ZFHX3: variants seen among roughly 807,000 people sequenced by gnomAD.
ZFHX3 encodes the protein zinc finger homeobox 3.
In ZFHX3, 42 loss-of-function variants were observed where a neutral mutation model predicts 279.1. The observed-to-expected ratio is 0.15, with a 90% confidence interval of 0.12 to 0.19. ZFHX3 has a LOEUF of 0.19. ZFHX3 is among the 10% of genes least tolerant of loss of function. ZFHX3 has a pLI of 1.00. For missense variants in ZFHX3, 4,981 were observed against 4,754.0 expected (o/e 1.05, Z -1.40); for synonymous variants, 2,293 against 1,957.8 (o/e 1.17, Z -4.52).
At chr16:73,301,118 G>A (rs1013263108) in intron 4 of ZFHX3, among the ~76,000 whole-genome samples, 2 of 152,318 alleles carry the variant, frequency 1.3e-5, no homozygotes, top group South Asian at 2.1e-4. Flanking sequence ...ATCTGGTTGT[G>A]TATCAGAGTC....
At chr16:73,546,953 G>A (rs1443919994) in intron 2 of ZFHX3, among the ~76,000 whole-genome samples, 1 of 151,682 alleles carries the variant, frequency 6.6e-6, no homozygotes, top group Non-Finnish European at 1.5e-5. Flanking sequence ...CCCTACCCCT[G>A]TCCCCATTGT....
chr16:73,838,778 G>C (rs1183727491), intron 1 of ZFHX3, among the ~76,000 whole-genome samples: 1 of 151,952 alleles, frequency 6.6e-6, no homozygotes, highest in African/African-American at 2.4e-5. Flanking sequence ...GTGTGTGTGT[G>C]TGTGTGTGTG....
chr16:73,618,080 C>G (rs1008256069), intron 2 of ZFHX3, among the ~76,000 whole-genome samples: 9 of 152,168 alleles, frequency 5.9e-5, no homozygotes, highest in Admixed American at 5.9e-4. Context: ...TCTTCTTGTG[C>G]CTGGCAAATG....
chr16:73,315,096 G>C (rs1342001975), intron 4 of ZFHX3, among the ~76,000 whole-genome samples: 1 of 151,794 alleles, frequency 6.6e-6, no homozygotes, highest in Non-Finnish European at 1.5e-5. Context: ...GATGTGGTGG[G>C]GTGCACCTAC....
chr16:73,433,097 A>C (rs2143518749), intron 3 of ZFHX3, among the ~76,000 whole-genome samples: 1 of 152,314 alleles, frequency 6.6e-6, no homozygotes, highest in South Asian at 2.1e-4. Context: ...GGGGGATGGA[A>C]GGGACAGGCA....
intron 2 of ZFHX3, among the ~76,000 whole-genome samples, chr16:73,473,349 A>AC (rs1447283064): frequency 1.4e-3 from 71 of 51,070 alleles, no homozygotes; most frequent in African/African-American, 4.0e-3. Flanking sequence ...CAAAAAAAAA[A>AC]AAAAAAAACA....
chr16:73,156,756 C>T (rs963822531), intron 5 of ZFHX3, among the ~76,000 whole-genome samples: 15 of 151,870 alleles, frequency 9.9e-5, no homozygotes, highest in African/African-American at 3.6e-4. Context: ...GCTCTGTCAC[C>T]AGGCTGGAGT....
rs907932471 is a variant in ZFHX3, at chr16:72,786,585, A to C, written c.*579T>G. On this transcript the variant is annotated 3_prime_UTR_variant, in exon 10 of 10. Transcript: ENST00000268489. ...CAAAACAAAAAATCTTTTCTGGAAC[A>C]AAAAAAAAAAAAAAAACTGAAAAAA... 1.6e-5 allele frequency: 2 copies of C among 124,232 alleles called. No homozygotes were observed. The highest frequency in any genetic ancestry group is 3.1e-5 in the African/African-American group (1 of 31,846). 7.7% of individuals were successfully genotyped at this position (124,232 alleles called of 1,614,324 possible). A position where few individuals can be genotyped will look rare whatever the true frequency, so the allele number is the denominator to read the frequency against.
intron 5 of ZFHX3, among the ~76,000 whole-genome samples, chr16:72,826,810 G>A (rs1033383404): frequency 7.9e-5 from 12 of 152,174 alleles, no homozygotes; most frequent in Non-Finnish European, 1.5e-4. Flanking sequence ...CCTGGTGCTT[G>A]AATGAATGCA....
chr16:73,119,890 G>C (rs1311525976), intron 7 of ZFHX3, among the ~76,000 whole-genome samples: 1 of 152,050 alleles, frequency 6.6e-6, no homozygotes, highest in Non-Finnish European at 1.5e-5. Context: ...GGCTTGCTAT[G>C]TTTCCCAGGA....
intron 1 of ZFHX3, among the ~76,000 whole-genome samples, chr16:73,804,673 T>C (rs775828008): frequency 6.6e-6 from 1 of 152,022 alleles, no homozygotes; most frequent in East Asian, 1.9e-4. Context: ...TATTGAAAAA[T>C]ATGTGGATCT....
intron 3 of ZFHX3, among the ~76,000 whole-genome samples, chr16:73,413,092 T>C (rs962149253): frequency 1.3e-5 from 2 of 152,208 alleles, no homozygotes; most frequent in Non-Finnish European, 2.9e-5. Flanking sequence ...AATAGATGGA[T>C]TACTGGCGAT....
At chr16:73,070,285 A>G (rs1047904229) in intron 8 of ZFHX3, among the ~76,000 whole-genome samples, 12 of 152,100 alleles carry the variant, frequency 7.9e-5, no homozygotes, top group Admixed American at 7.9e-4. Flanking sequence ...CTTTCACTCT[A>G]AACTGCGGCC....
intron 2 of ZFHX3, among the ~76,000 whole-genome samples, chr16:73,580,475 T>C (rs1469327632): frequency 1.4e-5 from 2 of 142,294 alleles, no homozygotes; most frequent in Non-Finnish European, 3.1e-5. Flanking sequence ...AGACTCCGTC[T>C]CAAAAAAACA....
At chr16:73,039,406 G>A (rs1965031554) in intron 1 of ZFHX3, among the ~76,000 whole-genome samples, 1 of 152,200 alleles carries the variant, frequency 6.6e-6, no homozygotes, top group African/African-American at 2.4e-5. Flanking sequence ...CCGGGAACCT[G>A]CCATTGTTTT....
intron 3 of ZFHX3, among the ~76,000 whole-genome samples, chr16:72,911,704 C>G (rs902865986): frequency 1.3e-5 from 2 of 152,222 alleles, no homozygotes; most frequent in African/African-American, 4.8e-5. Flanking sequence ...CTCGGTGACA[C>G]TAGCCACATT....
chr16:72,798,715 C>A lies in ZFHX3; in HGVS notation c.3968-1G>T. On this transcript the variant is annotated splice_acceptor_variant, in intron 8 of 9. Coordinates refer to ENST00000268489, the MANE Select transcript of ZFHX3 (RefSeq NM_006885.4). LOFTEE classifies it high-confidence loss of function. ...TTCTTTCCCAGATCCTCTGAGGTTTCTGTTAAAAAAAAAAAAAAAATCAAA... is the reference window on the plus strand; with the variant it reads ...TTCTTTCCCAGATCCTCTGAGGTTTATGTTAAAAAAAAAAAAAAAATCAAA... The A allele has an allele frequency of 6.8e-7, 1 of 1,470,166 alleles. No individual in the cohort carries two copies. The highest frequency in any genetic ancestry group is 8.9e-7 in the Non-Finnish European group (1 of 1,119,570). The allele number at this position is 1,470,166 out of a possible 1,614,324, so 91.1% of individuals were successfully genotyped here.
intron 2 of ZFHX3, among the ~76,000 whole-genome samples, chr16:73,621,781 C>T (rs778068702): frequency 1.1e-4 from 16 of 152,118 alleles, no homozygotes; most frequent in Admixed American, 9.8e-4. Context: ...CTTGAAGACC[C>T]CAGATCTTCC....
intron 4 of ZFHX3, among the ~76,000 whole-genome samples, chr16:72,879,224 G>A (rs1404500634): frequency 6.6e-6 from 1 of 152,188 alleles, no homozygotes; most frequent in Non-Finnish European, 1.5e-5. Flanking sequence ...AAGTCCTTCA[G>A]GTACTTCGAG....
Sources: allele counts gnomAD v4.1 joint callset (sites outside exome capture counted in the v4.1 genomes callset), GRCh38; gene constraint gnomAD v4.1.1; transcripts MANE v1.5; gene names NCBI Gene and HGNC (gene_info 2026-07-23, HGNC 2026-07-21).